MADD: variants seen among roughly 807,000 people sequenced by gnomAD.
MADD encodes MAP kinase activating death domain.
In MADD, 109 loss-of-function variants were observed where a neutral mutation model predicts 176.7. The ratio of observed to expected loss-of-function variants is 0.62; its 90% CI spans 0.53 to 0.72. The LOEUF (loss-of-function observed/expected upper bound fraction) is 0.72. Ranked by LOEUF, MADD falls within the 30% of genes least tolerant of loss-of-function variation. The pLI is 0.00. For missense variants in MADD, 1,914 were observed against 2,045.5 expected (o/e 0.94, Z 1.24); for synonymous variants, 771 against 771.3 (o/e 1.00, Z 0.01).
In MADD at chr11:47,324,345, G is replaced by C. The variant is rs757986943; in HGVS notation, c.4435+8G>C. 6.2e-7 allele frequency: 1 copy of C among 1,614,150 alleles called. No individual in the cohort carries two copies. The highest frequency in any genetic ancestry group is 8.5e-7 in the Non-Finnish European group (1 of 1,179,972). ...AGCAAAGCATCAAACCCGGTGAGGA[G>C]AGTTTTTCCTGAGAGTGTCTTCCCT... On this transcript the variant is annotated splice_region_variant and intron_variant, in intron 29 of 32. Coordinates refer to ENST00000402192, the Ensembl canonical transcript of MADD.
At chr11:47,327,834 C>T in intron 31 of MADD, 1 of 985,444 alleles carries the variant, frequency 1.0e-6, no homozygotes, top group Non-Finnish European at 1.2e-6. Context: ...GGCCCCTCTG[C>T]TCCCAGTCTC....
intron 15 of MADD, among the ~76,000 whole-genome samples, chr11:47,288,358 C>T (rs2062375230): frequency 6.6e-6 from 1 of 152,148 alleles, no homozygotes; most frequent in Non-Finnish European, 1.5e-5. Flanking sequence ...AGGATGGGAA[C>T]ATTGGATAAA....
At chr11:47,275,479 C>G (rs965484262) in intron 3 of MADD, among the ~76,000 whole-genome samples, 1 of 152,160 alleles carries the variant, frequency 6.6e-6, no homozygotes, top group Non-Finnish European at 1.5e-5. Flanking sequence ...TTTGTAGAGA[C>G]AAGGTTTCGC....
In MADD at chr11:47,284,645, A is replaced by T. The variant is rs1447056421; in HGVS notation, c.2157+80A>T. ...CTATTAGGAAAGCCAGGCTGTAGCT[A>T]TTCATTTGCTGCTTCTCACACAATT... On this transcript the variant is annotated intron_variant, in intron 12 of 32. Coordinates refer to ENST00000402192, the Ensembl canonical transcript of MADD. 2.7e-6 allele frequency: 4 copies of T among 1,503,842 alleles called. No homozygotes were observed. The African/African-American group carries it at 4.2e-5, about 16-fold the overall frequency. The allele number at this position is 1,503,842 out of a possible 1,614,324, so 93.2% of individuals were successfully genotyped here.
rs1201638560 is a variant in MADD, at chr11:47,281,770, T to G, written c.1469+17T>G. On this transcript the variant is annotated intron_variant, in intron 8 of 32. Coordinates refer to ENST00000402192, the Ensembl canonical transcript of MADD. Reference sequence around the variant, plus strand: ...TGCAACCAGGTAAGACCAAGCCGACTGTATAATCACAAGTTCTTAAATTAA... The same window carrying G: ...TGCAACCAGGTAAGACCAAGCCGACGGTATAATCACAAGTTCTTAAATTAA... 6.4e-7 allele frequency: 1 copy of G among 1,568,704 alleles called. No homozygotes were observed.
chr11:47,315,334 G>A lies in MADD; in HGVS notation c.4197+7G>A. On this transcript the variant is annotated splice_region_variant and intron_variant, in intron 27 of 32. Coordinates refer to ENST00000402192, the Ensembl canonical transcript of MADD. ...AGATATCTTTTTCATGGAGGTAGGTGCTGGTTCATGCTGGGGGCCCAAAGG... is the reference window on the plus strand; with the variant it reads ...AGATATCTTTTTCATGGAGGTAGGTACTGGTTCATGCTGGGGGCCCAAAGG... The A allele has an allele frequency of 2.6e-6, 4 of 1,559,524 alleles. No individual in the cohort carries two copies. The highest frequency in any genetic ancestry group is 3.5e-6 in the Non-Finnish European group (4 of 1,130,784).
chr11:47,324,989 C>A, intron 30 of MADD: 1 of 562,428 alleles, frequency 1.8e-6, no homozygotes, highest in Non-Finnish European at 3.2e-6. Context: ...TTCTGGTGTG[C>A]GTGCAGCTTG....
chr11:47,321,740 T>C (rs1224297445), intron 27 of MADD, among the ~76,000 whole-genome samples: 2 of 152,028 alleles, frequency 1.3e-5, no homozygotes, highest in Non-Finnish European at 2.9e-5. Context: ...CTAGAACCAA[T>C]GGGACTCAGT....
Position 47,278,279 on chromosome 11 carries a change from G to A in MADD, c.1209+1G>A. ...GCTAGTGGATCTGGACAGCAATAGG[G>A]TGAGGTTCTTGGCTGAGGCATTGTA... On this transcript the variant is annotated splice_donor_variant, in intron 6 of 32. Coordinates refer to ENST00000402192, the Ensembl canonical transcript of MADD. LOFTEE classifies it high-confidence loss of function. The A allele has an allele frequency of 1.2e-6, 2 of 1,607,990 alleles. No individual in the cohort carries two copies. The highest frequency in any genetic ancestry group is 1.7e-6 in the Non-Finnish European group (2 of 1,174,484).
intron 27 of MADD, among the ~76,000 whole-genome samples, chr11:47,317,647 C>T (rs1377538252): frequency 6.6e-6 from 1 of 152,156 alleles, no homozygotes; most frequent in East Asian, 1.9e-4. Flanking sequence ...ATATGGTTGT[C>T]CCTCTCTTAC....
chr11:47,319,134 T>TC, intron 27 of MADD, among the ~76,000 whole-genome samples: 1 of 143,284 alleles, frequency 7.0e-6, no homozygotes, highest in African/African-American at 2.5e-5. Context: ...TATATATAAT[T>TC]TTTTTTTTTT....
Position 47,308,581 on chromosome 11 carries a change from TTC to T in MADD, c.3643-4_3643-3del. On this transcript the variant is annotated splice_region_variant and splice_polypyrimidine_tract_variant and intron_variant, in intron 22 of 32. Coordinates refer to ENST00000402192, the Ensembl canonical transcript of MADD. ...CCTCTGGCCACTGACCTATCACCTCTTCTCTCTAGGGTAAAGCCCACAGCTTG... is the reference window on the plus strand; with the variant it reads ...CCTCTGGCCACTGACCTATCACCTCTTCTCTAGGGTAAAGCCCACAGCTTG... 6.2e-7 allele frequency: 1 copy of T among 1,611,686 alleles called. No homozygotes were observed. Among genetic ancestry groups the T allele is most frequent in the Non-Finnish European group, 8.5e-7 (1 of 1,178,098 alleles).
intron 19 of MADD, among the ~76,000 whole-genome samples, chr11:47,292,886 C>T (rs1252234087): frequency 1.3e-5 from 2 of 152,088 alleles, no homozygotes; most frequent in Admixed American, 1.3e-4. Context: ...TATTTTAGTG[C>T]CCCCCATTGG....
In MADD at chr11:47,282,684, C is replaced by T; in HGVS notation, c.1705+68C>T. 6 of 1,592,812 alleles carry T rather than the reference C, an allele frequency of 3.8e-6. No homozygotes were observed. In the South Asian group the frequency reaches 4.4e-5, roughly 12 times the overall value. On this transcript the variant is annotated intron_variant, in intron 9 of 32. Coordinates refer to ENST00000402192, the Ensembl canonical transcript of MADD. ...GTCCTCCTGATGGACTTTGATTTTT[C>T]CTTTGCTAATGTTTGACCTGTGCCT...
At chr11:47,321,464 T>C (rs2094461423) in intron 27 of MADD, among the ~76,000 whole-genome samples, 1 of 152,214 alleles carries the variant, frequency 6.6e-6, no homozygotes, top group Non-Finnish European at 1.5e-5. Context: ...AGGTACTTTG[T>C]TGGGTGTTGG....
At chr11:47,301,247 A>T (rs1279157717) in intron 22 of MADD, among the ~76,000 whole-genome samples, 2 of 151,530 alleles carry the variant, frequency 1.3e-5, no homozygotes, top group Non-Finnish European at 2.9e-5. Flanking sequence ...CAAGTAGCTG[A>T]GATTACAGGT....
chr11:47,283,162 C>A (rs1279103117), intron 10 of MADD, among the ~76,000 whole-genome samples, 193 bp downstream of exon 10: 2 of 152,216 alleles, frequency 1.3e-5, no homozygotes, highest in East Asian at 3.8e-4. Flanking sequence ...GACGCAATCT[C>A]GGCTCACTGC....
chr11:47,281,205 A>C (rs568828176), intron 7 of MADD, among the ~76,000 whole-genome samples: 1 of 152,208 alleles, frequency 6.6e-6, no homozygotes, highest in Admixed American at 6.5e-5. Context: ...TCTGTTTTCA[A>C]ATTTCCATTC....
rs375465935 is a variant in MADD at position 47,311,921 on chromosome 11, G to A, written c.4089+79G>A. On this transcript the variant is annotated intron_variant, in intron 26 of 32. Coordinates refer to ENST00000402192, the Ensembl canonical transcript of MADD. The stretch of plus-strand genomic sequence containing the variant: ...TGTCACTTGCAGTCCAGTTCACCCC[G>A]TTTTTGAAAATGGAGCAGTTGTCTT... 65 of 847,774 alleles carry A rather than the reference G, an allele frequency of 7.7e-5. No homozygotes were observed. The East Asian group carries it at 8.3e-4, about 11-fold the overall frequency. 52.5% of individuals were successfully genotyped at this position (847,774 alleles called of 1,614,324 possible). A position where few individuals can be genotyped will look rare whatever the true frequency, so the allele number is the denominator to read the frequency against.
Sources: gnomAD v4.1 joint callset for allele counts (sites outside exome capture counted in the v4.1 genomes callset) on GRCh38, gnomAD v4.1.1 for gene constraint, MANE v1.5 for transcripts, NCBI Gene and HGNC (gene_info 2026-07-23, HGNC 2026-07-21) for gene names.